Variants in TENM1 observed in about 807,000 individuals in gnomAD.
TENM1 encodes the protein teneurin-1.
TENM1 carries 35 observed loss-of-function variants against 174.8 expected under a neutral mutation model. The ratio of observed to expected loss-of-function variants is 0.20; its 90% CI spans 0.15 to 0.27. The LOEUF is 0.27. Among genes scored for constraint, TENM1 ranks in the 10% least tolerant of loss-of-function variants. The pLI, the probability that TENM1 is intolerant of heterozygous loss-of-function variation, is 1.00. For missense variants in TENM1, 1,633 were observed against 2,130.1 expected (o/e 0.77, Z 4.59); for synonymous variants, 781 against 798.7 (o/e 0.98, Z 0.37).
At chrX:124,588,022 C>T (rs181538529) in intron 11 of TENM1, among the ~76,000 whole-genome samples, 79 of 111,713 alleles carry the variant, frequency 7.1e-4, no homozygotes, top group African/African-American at 1.7e-3. Flanking sequence ...ATGGCAATCA[C>T]TAAAAAGTCA....
intron 3 of TENM1, among the ~76,000 whole-genome samples, chrX:124,805,606 G>A (rs2055573485): frequency 1.8e-5 from 2 of 112,630 alleles, no homozygotes; most frequent in Admixed American, 9.3e-5. Context: ...TACAGTGGCC[G>A]TGGGCCCTGG....
At chrX:125,010,639 A>G in the TENM1 span, among the ~76,000 whole-genome samples, 1 of 108,652 alleles carries the variant, frequency 9.2e-6, no homozygotes, top group African/African-American at 3.3e-5. Context: ...ACGATGAAAC[A>G]CTGTCTCTAC....
intron 14 of TENM1, among the ~76,000 whole-genome samples, chrX:124,560,510 A>G (rs2048794576): frequency 9.0e-6 from 1 of 111,336 alleles, no homozygotes. Context: ...CTAGTATAAG[A>G]GCCAGAGCTA....
intron 3 of TENM1, among the ~76,000 whole-genome samples, chrX:124,754,698 C>G (rs1297559935): frequency 4.0e-4 from 43 of 108,480 alleles, no homozygotes; most frequent in African/African-American, 1.1e-3. Context: ...TCTTTGTTCT[C>G]GTTGGTTTCA....
intron 1 of TENM1, among the ~76,000 whole-genome samples, chrX:124,946,003 T>A (rs1213911337): frequency 4.5e-5 from 5 of 111,713 alleles, no homozygotes; most frequent in Non-Finnish European, 9.4e-5. Context: ...TCATGAATGA[T>A]TCTTTCTCTT....
intron 20 of TENM1, among the ~76,000 whole-genome samples, chrX:124,493,778 A>C (rs766722832): frequency 9.0e-6 from 1 of 111,616 alleles, no homozygotes; most frequent in South Asian, 3.8e-4. Flanking sequence ...CATGAGGTGT[A>C]ACATTCTGAG....
chrX:124,575,511 C>A (rs1461988926), intron 11 of TENM1, among the ~76,000 whole-genome samples: 1 of 111,989 alleles, frequency 8.9e-6, no homozygotes, highest in East Asian at 2.8e-4. Context: ...TTCTCAAATT[C>A]TTGATGGATA....
intron 31 of TENM1, among the ~76,000 whole-genome samples, chrX:124,382,070 A>G (rs2060163477): frequency 9.0e-6 from 1 of 111,208 alleles, no homozygotes; most frequent in South Asian, 3.8e-4. Flanking sequence ...GTTTTCGCAA[A>G]CACAGATATT....
At chrX:124,497,150 G>A (rs776779744) in exon 20 of TENM1, 1 of 1,210,234 alleles carries the variant, frequency 8.3e-7, no homozygotes, top group Admixed American at 2.2e-5. Flanking sequence ...TGTGGGCTGG[G>A]CCATTGCAGT....
At chrX:124,801,284 T>C (rs1206233380) in intron 3 of TENM1, among the ~76,000 whole-genome samples, 1 of 111,901 alleles carries the variant, frequency 8.9e-6, no homozygotes, top group African/African-American at 3.2e-5. Flanking sequence ...GTGTATTGGG[T>C]GTATATACAT....
intron 25 of TENM1, 109 bp from the exon 29 acceptor site, chrX:124,406,598 A>G: frequency 2.1e-6 from 1 of 469,127 alleles, no homozygotes; most frequent in Non-Finnish European, 3.6e-6. Flanking sequence ...GAGTGATAAC[A>G]AGTATTATTA....
At chrX:124,773,964 C>A (rs2054721399) in intron 3 of TENM1, among the ~76,000 whole-genome samples, 1 of 111,358 alleles carries the variant, frequency 9.0e-6, no homozygotes, top group African/African-American at 3.3e-5. Flanking sequence ...GATTAGAGAG[C>A]CTGGCAGAGG....
chrX:124,799,280 G>T (rs2055383119), intron 3 of TENM1, among the ~76,000 whole-genome samples: 1 of 110,374 alleles, frequency 9.1e-6, no homozygotes, highest in African/African-American at 3.3e-5. Flanking sequence ...AAATTACTTT[G>T]GGCAGTATGG....
chrX:124,939,263 G>A (rs1263925552), intron 1 of TENM1, among the ~76,000 whole-genome samples: 1 of 111,432 alleles, frequency 9.0e-6, no homozygotes, highest in African/African-American at 3.3e-5. Context: ...AAGACCACAA[G>A]ATTGATAACC....
chrX:125,190,343 C>T, the TENM1 span, among the ~76,000 whole-genome samples: 1 of 112,536 alleles, frequency 8.9e-6, no homozygotes, highest in Admixed American at 9.4e-5. Context: ...TATAGTCTAA[C>T]TTCATTTAAT....
the TENM1 span, among the ~76,000 whole-genome samples, chrX:125,160,717 A>G: frequency 9.1e-6 from 1 of 109,912 alleles, no homozygotes; most frequent in Non-Finnish European, 1.9e-5. Flanking sequence ...ATATGCTTCA[A>G]GAAAGACTAC....
At chrX:125,162,793 A>G in the TENM1 span, among the ~76,000 whole-genome samples, 1 of 111,439 alleles carries the variant, frequency 9.0e-6, no homozygotes, top group Non-Finnish European at 1.9e-5. Context: ...TGCAGCTTGA[A>G]TCTCTTTTCT....
At chrX:124,825,327 T>C (rs961600863) in intron 3 of TENM1, among the ~76,000 whole-genome samples, 58 of 105,528 alleles carry the variant, frequency 5.5e-4, no homozygotes, top group African/African-American at 2.0e-3. Flanking sequence ...TTATTTTATA[T>C]ATATAATATA....
the TENM1 span, among the ~76,000 whole-genome samples, chrX:125,052,340 C>T: frequency 6.3e-5 from 7 of 111,925 alleles, no homozygotes; most frequent in Non-Finnish European, 1.3e-4. Flanking sequence ...TACCAAATGG[C>T]TCTTCGAATG....
Sources: gnomAD v4.1 joint callset for allele counts (sites outside exome capture counted in the v4.1 genomes callset) on GRCh38, gnomAD v4.1.1 for gene constraint, MANE v1.5 for transcripts, NCBI Gene and HGNC (gene_info 2026-07-23, HGNC 2026-07-21) for gene names.